BBX: variants seen among roughly 807,000 people sequenced by gnomAD.
BBX encodes HMG box transcription factor BBX.
In BBX, 30 loss-of-function variants were observed where a neutral mutation model predicts 100.2. The ratio of observed to expected loss-of-function variants is 0.30; its 90% confidence interval spans 0.22 to 0.41. The LOEUF is 0.41. Ranked by LOEUF, BBX falls within the 10% of genes least tolerant of loss-of-function variation. BBX has a pLI of 1.00. For missense variants in BBX, 1,023 were observed against 1,129.8 expected (o/e 0.91, Z 1.35); for synonymous variants, 376 against 388.1 (o/e 0.97, Z 0.37).
chr3:107,593,708 G>T (rs764029693), intron 2 of BBX, among the ~76,000 whole-genome samples: 1 of 152,112 alleles, frequency 6.6e-6, no homozygotes, highest in African/African-American at 2.4e-5. Flanking sequence ...ACCTAATTCC[G>T]CCCAAGGGAA....
intron 9 of BBX, among the ~76,000 whole-genome samples, chr3:107,748,810 C>A (rs2064831463): frequency 6.6e-6 from 1 of 152,114 alleles, no homozygotes; most frequent in African/African-American, 2.4e-5. Flanking sequence ...CATAAACCAA[C>A]AATTTTTATA....
At chr3:107,702,349 T>C (rs933544851) in intron 3 of BBX, among the ~76,000 whole-genome samples, 1 of 152,252 alleles carries the variant, frequency 6.6e-6, no homozygotes, top group African/African-American at 2.4e-5. Flanking sequence ...ATTGTATTTA[T>C]TACATTGCCT....
At chr3:107,766,245 A>G (rs2066386128) in intron 10 of BBX, among the ~76,000 whole-genome samples, 1 of 152,214 alleles carries the variant, frequency 6.6e-6, no homozygotes, top group African/African-American at 2.4e-5. Context: ...GATTTTTTCA[A>G]ATTGTGATTA....
chr3:107,776,141 T>TG (rs889246460), intron 12 of BBX: 4 of 152,138 alleles, frequency 2.6e-5, no homozygotes, highest in Admixed American at 1.3e-4. Flanking sequence ...CACTGCCTTG[T>TG]GGGTCTGCTC....
chr3:107,575,536 T>C (rs1244784787), intron 2 of BBX, among the ~76,000 whole-genome samples: 1 of 152,214 alleles, frequency 6.6e-6, no homozygotes, highest in Middle Eastern at 3.2e-3. Flanking sequence ...CTGATGGGGA[T>C]GGATATCTAA....
intron 10 of BBX, among the ~76,000 whole-genome samples, chr3:107,761,924 A>G (rs1053857538): frequency 1.3e-5 from 2 of 152,124 alleles, no homozygotes; most frequent in African/African-American, 4.8e-5. Context: ...GATGTGCATT[A>G]TCCCTTCCAT....
chr3:107,638,809 A>T, intron 2 of BBX, among the ~76,000 whole-genome samples: 1 of 116,790 alleles, frequency 8.6e-6, no homozygotes, highest in Non-Finnish European at 2.1e-5. Context: ...ACACACACAC[A>T]CACACACACA....
intron 3 of BBX, among the ~76,000 whole-genome samples, chr3:107,678,827 T>A (rs554302571): frequency 1.3e-4 from 20 of 152,316 alleles, no homozygotes; most frequent in African/African-American, 4.8e-4. Context: ...AATCTTCATT[T>A]GCACTTACTG....
At chr3:107,672,732 G>C (rs2059082324) in intron 3 of BBX, among the ~76,000 whole-genome samples, 1 of 151,962 alleles carries the variant, frequency 6.6e-6, no homozygotes, top group East Asian at 1.9e-4. Context: ...TGTTTTTAAA[G>C]GGCCTGGCAC....
intron 2 of BBX, among the ~76,000 whole-genome samples, chr3:107,578,647 G>C (rs146873278): frequency 6.6e-6 from 1 of 152,018 alleles, no homozygotes; most frequent in East Asian, 1.9e-4. Flanking sequence ...AGAGGGGCTC[G>C]TGGCCCTGAA....
At chr3:107,553,888 A>G (rs940418807) in intron 2 of BBX, among the ~76,000 whole-genome samples, 5 of 152,182 alleles carry the variant, frequency 3.3e-5, no homozygotes, top group Admixed American at 2.0e-4. Flanking sequence ...CTAGATTTCT[A>G]ACAATGGTGG....
intron 2 of BBX, among the ~76,000 whole-genome samples, chr3:107,539,615 A>G (rs1386836601): frequency 6.6e-6 from 1 of 152,208 alleles, no homozygotes; most frequent in Non-Finnish European, 1.5e-5. Flanking sequence ...CCCTCAGTAT[A>G]AGAATTTGAG....
chr3:107,571,241 A>C (rs2051335550), intron 2 of BBX, among the ~76,000 whole-genome samples: 3 of 152,114 alleles, frequency 2.0e-5, no homozygotes, highest in Admixed American at 6.5e-5. Context: ...GTGAGCAGCC[A>C]AAGCAGGTGT....
intron 2 of BBX, among the ~76,000 whole-genome samples, chr3:107,628,571 T>C (rs1308713716): frequency 1.3e-5 from 2 of 152,088 alleles, no homozygotes; most frequent in Non-Finnish European, 2.9e-5. Context: ...TAAGGATTCA[T>C]TGAGATTATT....
At chr3:107,781,516 A>C (rs2067888820) in intron 13 of BBX, among the ~76,000 whole-genome samples, 1 of 152,124 alleles carries the variant, frequency 6.6e-6, no homozygotes, top group African/African-American at 2.4e-5. Flanking sequence ...GTTATTTTGA[A>C]ATATTTTTAA....
At chr3:107,654,131 ATACCAAACCTCTTTT>A (rs1576191374) in intron 3 of BBX, among the ~76,000 whole-genome samples, 1 of 152,206 alleles carries the variant, frequency 6.6e-6, no homozygotes, top group East Asian at 1.9e-4. Context: ...ATCCCCTTAA[ATACCAAACCTCTTTT>A]TATAGCAATC....
At chr3:107,798,487 T>C in intron 15 of BBX, 36 bp from the exon 16 acceptor site, 1 of 1,596,652 alleles carries the variant, frequency 6.3e-7, no homozygotes, top group East Asian at 2.2e-5. Flanking sequence ...GCCTTCTGTT[T>C]TTGTGCATAA....
At chr3:107,591,903 A>G (rs2053343792) in intron 2 of BBX, among the ~76,000 whole-genome samples, 1 of 152,362 alleles carries the variant, frequency 6.6e-6, no homozygotes, top group South Asian at 2.1e-4. Context: ...TCATGGAAGT[A>G]AAGGGAAGAT....
intron 13 of BBX, 109 bp downstream of exon 13, chr3:107,778,628 T>A: frequency 8.1e-7 from 1 of 1,228,892 alleles, no homozygotes; most frequent in South Asian, 1.5e-5. Flanking sequence ...ATTGAGGCAG[T>A]AGGGAGTTAG....
Sources: allele counts gnomAD v4.1 joint callset (sites outside exome capture counted in the v4.1 genomes callset), GRCh38; gene constraint gnomAD v4.1.1; transcripts MANE v1.5; gene names NCBI Gene and HGNC (gene_info 2026-07-23, HGNC 2026-07-21).